Variants in LEPR observed in about 807,000 individuals in gnomAD.
LEPR encodes OB receptor.
Under a neutral mutation model 114.7 loss-of-function variants are expected in LEPR, and 56 were observed. The ratio of observed to expected loss-of-function variants is 0.49; its 90% CI spans 0.39 to 0.61. LEPR has a LOEUF of 0.61. LEPR is among the 20% of genes least tolerant of loss of function. The pLI is 0.00. For synonymous variants in LEPR, 443 were observed against 461.4 expected (o/e 0.96, Z 0.51); for missense variants, 1,202 against 1,352.9 (o/e 0.89, Z 1.75).
intron 2 of LEPR, among the ~76,000 whole-genome samples, chr1:65,543,307 GTTGT>G (rs1368903177): frequency 2.0e-5 from 3 of 151,804 alleles, no homozygotes; most frequent in Non-Finnish European, 2.9e-5. Flanking sequence ...TTTTGATGGG[GTTGT>G]TTGTTTTTTT....
Position 65,638,970 on chromosome 1 carries a change from T to C in LEPR, c.*1955T>C, listed in dbSNP as rs1658796024. 1 of 152,200 alleles carries C rather than the reference T, an allele frequency of 6.6e-6. No homozygotes were observed. The highest frequency in any genetic ancestry group is 2.4e-5 in the African/African-American group (1 of 41,460). 9.4% of individuals were successfully genotyped at this position (152,200 alleles called of 1,614,324 possible). On this transcript the variant is annotated 3_prime_UTR_variant, in exon 20 of 20. Coordinates refer to ENST00000349533, the MANE Select transcript of LEPR (RefSeq NM_002303.6). ...ATTTTAAATACATGCTTATAGATTATTGGTATTTAATTGAAGGTACAGTAC... is the reference window on the plus strand; with the variant it reads ...ATTTTAAATACATGCTTATAGATTACTGGTATTTAATTGAAGGTACAGTAC...
intron 19 of LEPR, among the ~76,000 whole-genome samples, chr1:65,630,696 T>TTGTGTGTGTG (rs71058415): frequency 1.7e-4 from 25 of 149,542 alleles, no homozygotes; most frequent in African/African-American, 5.4e-4. Flanking sequence ...TTTCTTTGTT[T>TTGTGTGTGTG]TGTGTGTGTG....
intron 19 of LEPR, among the ~76,000 whole-genome samples, chr1:65,627,942 T>C (rs979496828): frequency 3.3e-5 from 5 of 152,160 alleles, no homozygotes; most frequent in African/African-American, 4.8e-5. Context: ...TCTAACATGA[T>C]TTTCAAAATC....
At chr1:65,566,327 C>T (rs761268204) in intron 3 of LEPR, among the ~76,000 whole-genome samples, 16 of 151,446 alleles carry the variant, frequency 1.1e-4, no homozygotes, top group East Asian at 2.0e-4. Flanking sequence ...CTCAGCCTCT[C>T]GAGTAGCTGG....
Position 65,534,892 on chromosome 1 carries a change from G to GT in LEPR, c.-20-30650dup, listed in dbSNP as rs1378908636. Among the ~76,000 whole-genome samples the GT allele has an allele frequency of 9.2e-5, 14 of 152,310 alleles. 1 individual carries two copies. The East Asian group carries it at 2.3e-3, about 25-fold the overall frequency. ...TAAGAACAGCTGTTACCAACTATCT[G>GT]TTTTGTGAGGGTGGAGGACAACTTA... is the stretch of plus-strand genomic sequence containing the variant. On this transcript the variant is annotated intron_variant, in intron 2 of 19. Transcript: ENST00000349533.
chr1:65,630,464 T>A (rs1254668791), intron 19 of LEPR: 1 of 152,178 alleles, frequency 6.6e-6, no homozygotes, highest in African/African-American at 2.4e-5. Context: ...GTTTTGAATT[T>A]TCAGTGATGA....
At chr1:65,456,055 T>A (rs1646869748) in intron 2 of LEPR, among the ~76,000 whole-genome samples, 1 of 152,146 alleles carries the variant, frequency 6.6e-6, no homozygotes, top group Non-Finnish European at 1.5e-5. Context: ...CCAGGTGCCA[T>A]CTGTCACCCC....
intron 5 of LEPR, among the ~76,000 whole-genome samples, chr1:65,573,319 T>A (rs966059826): frequency 2.0e-5 from 3 of 152,158 alleles, no homozygotes; most frequent in African/African-American, 2.4e-5. Flanking sequence ...CAGGTATAGG[T>A]GGGCATGTAG....
chr1:65,594,452 C>G (rs144352184), intron 6 of LEPR, among the ~76,000 whole-genome samples: 103 of 152,024 alleles, frequency 6.8e-4, no homozygotes, highest in African/African-American at 2.4e-3. Flanking sequence ...ACTGGACTGT[C>G]TAGTGGATGG....
chr1:65,475,330 G>A (rs1366585081), intron 2 of LEPR, among the ~76,000 whole-genome samples: 1 of 152,128 alleles, frequency 6.6e-6, no homozygotes, highest in Non-Finnish European at 1.5e-5. Context: ...TTTGTATTCT[G>A]TTCCAAAGGA....
chr1:65,570,449 T>C, intron 3 of LEPR, 24 bp from the exon 4 acceptor site: 1 of 1,605,782 alleles, frequency 6.2e-7, no homozygotes, highest in Non-Finnish European at 8.5e-7. Flanking sequence ...CTTTTTTCTA[T>C]GTGTCTTTTT....
At chr1:65,608,711 A>G in intron 11 of LEPR, 42 bp from the exon 12 acceptor site, 1 of 1,591,052 alleles carries the variant, frequency 6.3e-7, no homozygotes. Flanking sequence ...CATTATTACT[A>G]TTTAAATTAC....
At chr1:65,507,549 A>G (rs574471307) in intron 2 of LEPR, among the ~76,000 whole-genome samples, 5 of 147,764 alleles carry the variant, frequency 3.4e-5, no homozygotes, top group Non-Finnish European at 7.5e-5. Flanking sequence ...ATATATATAT[A>G]TACACACACA....
intron 3 of LEPR, among the ~76,000 whole-genome samples, chr1:65,568,980 A>C (rs533869570): frequency 6.6e-6 from 1 of 152,154 alleles, no homozygotes; most frequent in African/African-American, 2.4e-5. Flanking sequence ...TTCTTTTGAG[A>C]AATGTCTTCA....
intron 2 of LEPR, among the ~76,000 whole-genome samples, chr1:65,457,700 T>G (rs922703173): frequency 2.6e-5 from 4 of 152,184 alleles, no homozygotes; most frequent in African/African-American, 9.6e-5. Flanking sequence ...TTGTCTATAA[T>G]TCCACTCTTT....
chr1:65,434,842 C>T, intron 2 of LEPR: 3 of 985,482 alleles, frequency 3.0e-6, no homozygotes, highest in South Asian at 4.7e-5. Flanking sequence ...CCTTCTCCTC[C>T]CATTAGTCAG....
chr1:65,621,728 G>A (rs1657897926), intron 18 of LEPR, among the ~76,000 whole-genome samples: 1 of 152,180 alleles, frequency 6.6e-6, no homozygotes, highest in African/African-American at 2.4e-5. Context: ...AAAACCTGAG[G>A]GGCTTCTGGC....
chr1:65,453,157 GA>G (rs1646812886), intron 2 of LEPR, among the ~76,000 whole-genome samples: 1 of 152,050 alleles, frequency 6.6e-6, no homozygotes, highest in Non-Finnish European at 1.5e-5. Flanking sequence ...GCGTCTATTA[GA>G]TTCTTCTCTC....
At chr1:65,624,099 C>T (rs6700896) in intron 19 of LEPR, among the ~76,000 whole-genome samples, 66,933 of 151,880 alleles carry the variant, frequency 0.44, 15,443 homozygotes, top group East Asian at 0.87. Context: ...TCCTGCTGTT[C>T]TTTATGTGCA....
Sources: gnomAD v4.1 joint callset for allele counts (sites outside exome capture counted in the v4.1 genomes callset) on GRCh38, gnomAD v4.1.1 for gene constraint, MANE v1.5 for transcripts, NCBI Gene and HGNC (gene_info 2026-07-23, HGNC 2026-07-21) for gene names.